The following CCDC22 variants were observed in gnomAD, a reference collection of about 807,000 sequenced individuals.
CCDC22 encodes the protein coiled-coil domain-containing protein 22.
Under a neutral mutation model 53.1 loss-of-function variants are expected in CCDC22, and 4 were observed. That is an observed-to-expected ratio of 0.08 (90% CI 0.04 to 0.17). The LOEUF (loss-of-function observed/expected upper bound fraction) is 0.17, where lower values mean the gene tolerates loss of function less well. Among genes scored for constraint, CCDC22 ranks in the 10% least tolerant of loss-of-function variants. The pLI is 1.00. For missense variants in CCDC22, 458 were observed against 554.0 expected (o/e 0.83, Z 1.74); for synonymous variants, 222 against 224.4 (o/e 0.99, Z 0.10).
At chrX:49,239,950 G>C in intron 2 of CCDC22, among the ~76,000 whole-genome samples, 1 of 109,521 alleles carries the variant, frequency 9.1e-6, no homozygotes, top group South Asian at 3.9e-4. Flanking sequence ...CTTTTCCAGT[G>C]GCCAGGAGGT....
rs782118051 is a variant in CCDC22, at chrX:49,249,437, G to A, written c.1636-72G>A. Reference sequence around the variant, plus strand: ...GAAGCTAGTGGGGTGGTGGGAGAGGGTGGCCTTCTTAGGGCATGGAGATGG... The same window carrying A: ...GAAGCTAGTGGGGTGGTGGGAGAGGATGGCCTTCTTAGGGCATGGAGATGG... On this transcript the variant is annotated intron_variant, in intron 14 of 16. Transcript: ENST00000376227. 17 of 1,026,238 alleles carry A rather than the reference G, an allele frequency of 1.7e-5. No homozygotes were observed. The African/African-American group carries it at 3.0e-4, about 18-fold the overall frequency. 84.6% of individuals were successfully genotyped at this position (1,026,238 alleles called of 1,213,427 possible).
In CCDC22 at chrX:49,247,621, C is replaced by T. The variant is rs377102951; in HGVS notation, c.973-28C>T. 12 of 1,184,045 alleles carry T rather than the reference C, an allele frequency of 1.0e-5. No individual in the cohort carries two copies. In the African/African-American group the frequency reaches 1.6e-4, roughly 16 times the overall value. On this transcript the variant is annotated intron_variant, in intron 8 of 16. Coordinates refer to ENST00000376227, the MANE Select transcript of CCDC22 (RefSeq NM_014008.5). ...TTGCTTGTCTACTGGGCCTGACACC[C>T]CAACCCTGACTGGCCTGGGCCTCCC...
rs929577634 is a variant in CCDC22, at chrX:49,248,033, G to T, written c.1093-158G>T. 2.7e-5 allele frequency among the ~76,000 whole-genome samples: 3 copies of T among 110,760 alleles called. No individual in the cohort carries two copies. The Admixed American group carries it at 2.8e-4, about 10-fold the overall frequency. On this transcript the variant is annotated intron_variant, in intron 9 of 16. Coordinates refer to ENST00000376227, the MANE Select transcript of CCDC22 (RefSeq NM_014008.5). The stretch of plus-strand genomic sequence containing the variant: ...CGGAGGGTCTGTGGGCATCTGTGGG[G>T]TACCCACGGGTCTGCATGGACAGGG...
In CCDC22 at chrX:49,248,868, C is replaced by A; in HGVS notation, c.1483C>A (p.Gln495Lys). 8.3e-7 allele frequency: 1 copy of A among 1,210,990 alleles called. No homozygotes were observed. The highest frequency in any genetic ancestry group is 1.7e-5 in the African/African-American group (1 of 57,730). Residue 495 changes from glutamine to lysine, a missense_variant, in exon 13 of 17, where the codon CAG becomes AAG. Coordinates refer to ENST00000376227, the MANE Select transcript of CCDC22 (RefSeq NM_014008.5). The stretch of plus-strand genomic sequence containing the variant: ...AGATGTGTCCCGGCTGGCCTACACC[C>A]AGCGCATCCTGGAGATCGTGGGCAA... ...PRDVSRLAYT[Q>K]RILEIVGNIR...
intron 14 of CCDC22, 73 bp from the exon 15 acceptor site, chrX:49,249,436 G>A: frequency 2.0e-6 from 2 of 1,021,097 alleles, no homozygotes; most frequent in Admixed American, 4.4e-5. Flanking sequence ...GGTGGGAGAG[G>A]GTGGCCTTCT....
At chrX:49,238,454 C>T (rs1191579730) in intron 2 of CCDC22, among the ~76,000 whole-genome samples, 1 of 112,297 alleles carries the variant, frequency 8.9e-6, no homozygotes, top group Non-Finnish European at 1.9e-5. Flanking sequence ...AGGATGATTA[C>T]CCAAAGAAAG....
At chrX:49,236,293 C>T (rs782321917) in intron 1 of CCDC22, among the ~76,000 whole-genome samples, 5 of 109,025 alleles carry the variant, frequency 4.6e-5, no homozygotes, top group African/African-American at 1.0e-4. Context: ...CTGCAGCCTC[C>T]GCCTCCCAGG....
Position 49,248,073 on chromosome X carries a change from C to T in CCDC22, c.1093-118C>T, listed in dbSNP as rs1193567350. The T allele has an allele frequency of 7.4e-5, 86 of 1,156,488 alleles. No individual in the cohort carries two copies. In the South Asian group the frequency reaches 1.4e-3, roughly 19 times the overall value. ...CATGGACAGGGGATTAGGGGGTCCT[C>T]GGGGTCCTTGGCACCAGCGTGGAGC... On this transcript the variant is annotated intron_variant, in intron 9 of 16. Coordinates refer to ENST00000376227, the MANE Select transcript of CCDC22 (RefSeq NM_014008.5).
chrX:49,238,479 C>G (rs2065949274), intron 2 of CCDC22, among the ~76,000 whole-genome samples: 2 of 112,768 alleles, frequency 1.8e-5, no homozygotes, highest in African/African-American at 3.2e-5. Context: ...GCTGGTTACC[C>G]AAAAGAGTGT....
intron 6 of CCDC22, among the ~76,000 whole-genome samples, chrX:49,245,947 G>GT (rs1226158250): frequency 6.0e-5 from 6 of 99,636 alleles, no homozygotes; most frequent in African/African-American, 1.7e-4. Context: ...TATCTTGTGG[G>GT]TTTTTTTTTG....
intron 6 of CCDC22, among the ~76,000 whole-genome samples, chrX:49,246,227 C>T (rs2065989067): frequency 8.9e-6 from 1 of 111,836 alleles, no homozygotes; most frequent in Non-Finnish European, 1.9e-5. Context: ...CTACCTTGGC[C>T]TTTCAAAGGG....
At chrX:49,249,615 G>GGGGGGGGGGGGGGGGGGGGGGGGGGGGA in intron 15 of CCDC22, 36 bp from the exon 16 acceptor site, 2 of 406,797 alleles carry the variant, frequency 4.9e-6, no homozygotes, top group East Asian at 7.5e-5. Context: ...GGGTGGGTGG[G>GGGGGGGGGGGGGGGGGGGGGGGGGGGGA]ACTGGGTGCA....
intron 3 of CCDC22, 190 bp downstream of exon 3, chrX:49,242,338 G>A (rs1260986650): frequency 2.7e-6 from 2 of 748,388 alleles, no homozygotes; most frequent in Admixed American, 1.8e-4. Flanking sequence ...AGGGGGCTGA[G>A]GTTGAGCTGA....
chrX:49,248,955 A>G, intron 13 of CCDC22, 31 bp downstream of exon 13: 1 of 1,198,264 alleles, frequency 8.3e-7, no homozygotes. Context: ...AGGGTGGGTC[A>G]TGTGGGCTGT....
chrX:49,244,141 T>C (rs1557113840), intron 6 of CCDC22, among the ~76,000 whole-genome samples: 1 of 112,348 alleles, frequency 8.9e-6, no homozygotes, highest in Non-Finnish European at 1.9e-5. Flanking sequence ...TTCTGGTTTC[T>C]AGGTTTTTGC....
Position 49,242,420 on chromosome X carries a change from G to A in CCDC22, c.361+272G>A, listed in dbSNP as rs782745805. 4.2e-5 allele frequency: 24 copies of A among 572,889 alleles called. No individual in the cohort carries two copies. In the South Asian group the frequency reaches 1.2e-3, roughly 28 times the overall value. 47.2% of individuals were successfully genotyped at this position (572,889 alleles called of 1,213,427 possible). ...CTGTGCCCTCCCTCTCTCTCACTTC[G>A]CTCTAACCACTTGGGCCTCCTGGGT... On this transcript the variant is annotated intron_variant, in intron 3 of 16. Coordinates refer to ENST00000376227, the MANE Select transcript of CCDC22 (RefSeq NM_014008.5).
chrX:49,247,821 G>A (rs1203899853), intron 9 of CCDC22, 53 bp downstream of exon 9: 2 of 1,186,079 alleles, frequency 1.7e-6, no homozygotes, highest in Non-Finnish European at 2.3e-6. Context: ...GGAGGGCCTC[G>A]GGGTGTGAGG....
At chrX:49,241,266 T>G (rs1249235673) in intron 2 of CCDC22, among the ~76,000 whole-genome samples, 2 of 110,891 alleles carry the variant, frequency 1.8e-5, no homozygotes, top group African/African-American at 6.6e-5. Flanking sequence ...GGTGGGCAGA[T>G]TGCTTGAGCC....
intron 2 of CCDC22, among the ~76,000 whole-genome samples, chrX:49,239,659 C>A (rs1324280934): frequency 9.0e-6 from 1 of 110,625 alleles, no homozygotes; most frequent in African/African-American, 3.3e-5. Context: ...CAGGTTCACC[C>A]AGCTCTCAGG....
Sources: allele counts gnomAD v4.1 joint callset (sites outside exome capture counted in the v4.1 genomes callset), GRCh38; gene constraint gnomAD v4.1.1; transcripts MANE v1.5; gene names NCBI Gene and HGNC (gene_info 2026-07-23, HGNC 2026-07-21).